The following HLX variants were observed in gnomAD, a reference collection of about 807,000 sequenced individuals.
HLX encodes H2.0 like homeobox.
A neutral mutation model predicts 27.7 loss-of-function variants in HLX; 6 were observed. That is an observed-to-expected ratio of 0.22 (90% CI 0.12 to 0.43). HLX has a LOEUF of 0.43. HLX is among the 20% of genes least tolerant of loss of function. HLX has a pLI of 1.00. For synonymous variants in HLX, 328 were observed against 293.8 expected, an observed-to-expected ratio of 1.12 and a Z score of -1.19; for missense variants, 666 against 655.2, an observed-to-expected ratio of 1.02 and a Z score of -0.18.
chr1:220,880,896 C>T (rs993975870), intron 1 of HLX: 2 of 440,646 alleles, frequency 4.5e-6, no homozygotes, highest in Non-Finnish European at 8.1e-6. Context: ...CACCTTGGGG[C>T]GGAGGTTTTG....
rs374792494 is a variant in HLX, at chr1:220,881,413, G to T, written c.772+40G>T. The T allele has an allele frequency of 3.9e-5, 60 of 1,552,428 alleles. 1 individual carries two copies. Among genetic ancestry groups the T allele is most frequent in the Non-Finnish European group, 5.2e-5 (59 of 1,124,082 alleles). Reference sequence around the variant, plus strand: ...CAGAGTACTGCCTAACGGGCGAGCCGACTAACAGTCAGAAATCTCAGGACT... The same window carrying T: ...CAGAGTACTGCCTAACGGGCGAGCCTACTAACAGTCAGAAATCTCAGGACT... On this transcript the variant is annotated intron_variant, in intron 2 of 3. Coordinates refer to ENST00000366903, the MANE Select transcript of HLX (RefSeq NM_021958.4).
intron 2 of HLX, 185 bp downstream of exon 2, chr1:220,881,558 T>C (rs1674443740): frequency 1.5e-6 from 1 of 671,034 alleles, no homozygotes; most frequent in African/African-American, 1.8e-5. Flanking sequence ...ATGGTTCCCC[T>C]TGAAAAGGGG....
intron 2 of HLX, 169 bp from the exon 3 acceptor site, chr1:220,881,995 T>C: frequency 1.4e-6 from 1 of 715,030 alleles, no homozygotes; most frequent in Non-Finnish European, 2.5e-6. Context: ...AATTCCTCCT[T>C]AGAGGGGCCA....
At chr1:220,881,433 A>C in intron 2 of HLX, 60 bp downstream of exon 2, 71 of 1,379,452 alleles carry the variant, frequency 5.1e-5, no homozygotes, top group Non-Finnish European at 6.6e-5. Flanking sequence ...CAGAAATCTC[A>C]GGACTGACGC....
chr1:220,882,125 C>G (rs753437569), intron 2 of HLX, 39 bp from the exon 3 acceptor site: 5 of 1,606,452 alleles, frequency 3.1e-6, no homozygotes, highest in Non-Finnish European at 4.3e-6. Flanking sequence ...CTGAACGGCC[C>G]TCTTGTCTTT....
Position 220,880,284 on chromosome 1 carries a change from C to T in HLX, c.427C>T (p.Arg143Trp), listed in dbSNP as rs757460950. 2 of 1,613,342 alleles carry T rather than the reference C, an allele frequency of 1.2e-6. No homozygotes were observed. The highest frequency in any genetic ancestry group is 1.7e-6 in the Non-Finnish European group (2 of 1,179,500). Residue 143 changes from arginine to tryptophan, a missense_variant, in exon 1 of 4, where the codon CGG becomes TGG. Coordinates refer to ENST00000366903, the MANE Select transcript of HLX (RefSeq NM_021958.4). ...GCAGCAACAGCCTCCGCCTCCGCCC[C>T]GGGCTGGCGCCCTGCAGCCCCCGGC... ...PQQQQPPPPP[R>W]AGALQPPASG... is the part of the protein sequence containing the mutation.
chr1:220,879,729 C>G lies in HLX; in HGVS notation c.-129C>G. 7.3e-7 allele frequency: 1 copy of G among 1,367,764 alleles called. No homozygotes were observed. Among genetic ancestry groups the G allele is most frequent in the Non-Finnish European group, 9.5e-7 (1 of 1,048,624 alleles). 84.7% of individuals were successfully genotyped at this position (1,367,764 alleles called of 1,614,324 possible). A position where few individuals can be genotyped will look rare whatever the true frequency, so the allele number is the denominator to read the frequency against. On this transcript the variant is annotated 5_prime_UTR_variant, in exon 1 of 4. Transcript: ENST00000366903. The stretch of plus-strand genomic sequence containing the variant: ...GGCTCCCGGCCTCTCTTCCTCAGTG[C>G]GGGCGGAGAAGCGAAAGCGGATCGT...
Position 220,880,138 on chromosome 1 carries a change from G to A in HLX, c.281G>A (p.Arg94Gln). The A allele has an allele frequency of 1.9e-6, 3 of 1,607,692 alleles. No individual in the cohort carries two copies. Among genetic ancestry groups the A allele is most frequent in the Non-Finnish European group, 2.5e-6 (3 of 1,176,712 alleles). The change falls in exon 1 of 4, where the codon CGA (arginine) becomes CAA (glutamine). Residue 94 changes from arginine to glutamine, a missense_variant. Arg to Gln is a conservative substitution (Grantham distance 43, BLOSUM62 1). Transcript: ENST00000366903. ...SFQAAARSPL[R>Q]PTPVVAPSEV... ...CAAGCGGCGGCCAGATCCCCGCTTC[G>A]ACCCACCCCAGTGGTGGCGCCCTCC...
intron 2 of HLX, 99 bp from the exon 3 acceptor site, chr1:220,882,065 A>G (rs1012741944): frequency 9.3e-7 from 1 of 1,080,618 alleles, no homozygotes; most frequent in Non-Finnish European, 1.4e-6. Flanking sequence ...AACACGAAAC[A>G]GTTTCAAGCC....
At chr1:220,881,618 G>T in intron 2 of HLX, 1 of 580,126 alleles carries the variant, frequency 1.7e-6, no homozygotes, top group South Asian at 2.0e-5. Context: ...GGTGGGGTGG[G>T]GGGCTTTCTC....
At position 220,881,068 on chromosome 1, in the gene HLX, G is replaced by T. The variant is rs142206913; in HGVS notation, c.593-126G>T. ...TGGGAGAGAGAGGTTTCAGCGCCTA[G>T]ACGGGTTCTCTCTTGACTTCGCTCA... On this transcript the variant is annotated intron_variant, in intron 1 of 3. Transcript: ENST00000366903. 514 of 871,604 alleles carry T rather than the reference G, an allele frequency of 5.9e-4. 3 individuals carry two copies. The African/African-American group carries it at 7.0e-3, about 12-fold the overall frequency. The allele number at this position is 871,604 out of a possible 1,614,324, so 54.0% of individuals were successfully genotyped here. A position where few individuals can be genotyped will look rare whatever the true frequency, so the allele number is the denominator to read the frequency against.
Position 220,885,051 on chromosome 1 carries a change from G to T in HLX, c.*347G>T, listed in dbSNP as rs976895436. On this transcript the variant is annotated 3_prime_UTR_variant, in exon 4 of 4. Coordinates refer to ENST00000366903, the MANE Select transcript of HLX (RefSeq NM_021958.4). ...ATTTGTAAATAAAATGTTTACTACG[G>T]TTTGTAAAGGCCGCTTGGCTTTGCT... 2 of 308,990 alleles carry T rather than the reference G, an allele frequency of 6.5e-6. No individual in the cohort carries two copies. The highest frequency in any genetic ancestry group is 4.2e-5 in the African/African-American group (2 of 47,702). 19.1% of individuals were successfully genotyped at this position (308,990 alleles called of 1,614,324 possible). A position where few individuals can be genotyped will look rare whatever the true frequency, so the allele number is the denominator to read the frequency against.
At position 220,882,320 on chromosome 1, in the gene HLX, C is replaced by T; in HGVS notation, c.929C>T (p.Ala310Val). Residue 310 changes from alanine to valine, a missense_variant, in exon 3 of 4, where the codon GCG becomes GTG. By Grantham distance (64) the Ala-to-Val change is moderately conservative. Coordinates refer to ENST00000366903, the MANE Select transcript of HLX (RefSeq NM_021958.4). ...YVTKPDRKQL[A>V]AMLGLTDAQV... is the part of the protein sequence containing the mutation. ...ACCAAGCCGGACCGAAAGCAGCTGG[C>T]GGCGATGCTGGGCCTCACGGACGCA... The T allele has an allele frequency of 6.2e-7, 1 of 1,614,224 alleles. No individual in the cohort carries two copies. The highest frequency in any genetic ancestry group is 8.5e-7 in the Non-Finnish European group (1 of 1,180,028).
intron 3 of HLX, chr1:220,883,892 G>A (rs181567129): frequency 4.3e-6 from 2 of 469,230 alleles, no homozygotes; most frequent in African/African-American, 3.9e-5. Flanking sequence ...TATGTTGGGG[G>A]TCGGGTGCAG....
intron 3 of HLX, chr1:220,883,674 G>C (rs994656651): frequency 6.4e-6 from 1 of 157,050 alleles, no homozygotes; most frequent in Non-Finnish European, 1.4e-5. Flanking sequence ...TTCCTTTTTT[G>C]AAAAAAGTAT....
At position 220,881,955 on chromosome 1, in the gene HLX, C is replaced by G; in HGVS notation, c.773-209C>G. The G allele has an allele frequency of 1.4e-5, 9 of 660,584 alleles. No individual in the cohort carries two copies. The South Asian group carries it at 1.4e-4, about 10-fold the overall frequency. 40.9% of individuals were successfully genotyped at this position (660,584 alleles called of 1,614,324 possible). A position where few individuals can be genotyped will look rare whatever the true frequency, so the allele number is the denominator to read the frequency against. The stretch of plus-strand genomic sequence containing the variant: ...AGCCGCCAGGCTTCTCCACTCCACG[C>G]TCGCTTTAGGTCTTCCGACTGTCGT... On this transcript the variant is annotated intron_variant, in intron 2 of 3. Transcript: ENST00000366903.
chr1:220,884,863 C>CT lies in HLX; in HGVS notation c.*160dup, dbSNP rs1674536832. On this transcript the variant is annotated 3_prime_UTR_variant, in exon 4 of 4. Coordinates refer to ENST00000366903, the MANE Select transcript of HLX (RefSeq NM_021958.4). This position sits in a 1 kb window ranked among gnomAD's most constrained non-coding sequence, Gnocchi z 4.9. ...CTTCGCCCCACGCTGCTCCGACTGGCTGCAGCGGACACTGCCCAAAGCAGA... is the reference window on the plus strand; with the variant it reads ...CTTCGCCCCACGCTGCTCCGACTGGCTTGCAGCGGACACTGCCCAAAGCAGA... The CT allele has an allele frequency of 8.5e-7, 1 of 1,180,890 alleles. No homozygotes were observed. Among genetic ancestry groups the CT allele is most frequent in the Admixed American group, 2.6e-5 (1 of 38,560 alleles). The allele number at this position is 1,180,890 out of a possible 1,614,324, so 73.2% of individuals were successfully genotyped here.
rs909099196 is a variant in HLX at position 220,879,954 on chromosome 1, C to G, written c.97C>G (p.Pro33Ala). Residue 33 changes from proline to alanine, a missense_variant, in exon 1 of 4, where the codon CCC becomes GCC. Pro to Ala is a conservative substitution (Grantham distance 27). Transcript: ENST00000366903. ...GGCCGGCCCAGGCGGCTGCTCCTTC[C>G]CCTTGGACCCCGCCGCCGTCAAAAA... ...SSAGPGGCSF[P>A]LDPAAVKKPS... The G allele has an allele frequency of 6.3e-7, 1 of 1,598,604 alleles. No individual in the cohort carries two copies. Among genetic ancestry groups the G allele is most frequent in the African/African-American group, 1.3e-5 (1 of 74,822 alleles).
rs531157837 is a variant in HLX at position 220,882,422 on chromosome 1, C to T, written c.957+74C>T. ...CGCACGGCCTAGTCTGGTAGGTCCC[C>T]TCCATCCCGGCCGACTGGCCTCCTG... is the stretch of plus-strand genomic sequence containing the variant. On this transcript the variant is annotated intron_variant, in intron 3 of 3. Coordinates refer to ENST00000366903, the MANE Select transcript of HLX (RefSeq NM_021958.4). The T allele has an allele frequency of 1.1e-5, 15 of 1,422,828 alleles. No homozygotes were observed. The South Asian group carries it at 1.1e-4, about 10-fold the overall frequency. The allele number at this position is 1,422,828 out of a possible 1,614,324, so 88.1% of individuals were successfully genotyped here.
Sources: gnomAD v4.1 joint callset for allele counts on GRCh38, gnomAD v4.1.1 for gene constraint, Gnocchi (gnomAD v3.1) non-coding constraint, MANE v1.5 for transcripts, NCBI Gene and HGNC (gene_info 2026-07-23, HGNC 2026-07-21) for gene names.